The following CSMD3 variants were observed in gnomAD, a reference collection of about 807,000 sequenced individuals.
CSMD3 encodes the protein CUB and Sushi multiple domains 3.
CSMD3 carries 177 observed loss-of-function variants against 435.2 expected under a neutral mutation model. The ratio of observed to expected loss-of-function variants is 0.41; its 90% CI spans 0.36 to 0.46. The LOEUF (loss-of-function observed/expected upper bound fraction) is 0.46, where lower values mean the gene tolerates loss of function less well. Ranked by LOEUF, CSMD3 falls within the 20% of genes least tolerant of loss-of-function variation. The pLI, the probability that CSMD3 is intolerant of heterozygous loss-of-function variation, is 0.34. For missense variants in CSMD3, 4,265 were observed against 4,504.6 expected (o/e 0.95, Z 1.52); for synonymous variants, 1,656 against 1,520.5 (o/e 1.09, Z -2.07).
At chr8:112,783,424 GGGAAGGAAGGAAGGAAGGAA>G (rs1256764715) in intron 13 of CSMD3, among the ~76,000 whole-genome samples, 1 of 56,868 alleles carries the variant, frequency 1.8e-5, no homozygotes, top group Non-Finnish European at 3.7e-5. Flanking sequence ...GAGGGAGGGA[GGGAAGGAAGGAAGGAAGGAA>G]GGAAGGAAGG....
At chr8:113,286,365 A>G (rs2093646835) in intron 2 of CSMD3, among the ~76,000 whole-genome samples, 2 of 152,304 alleles carry the variant, frequency 1.3e-5, no homozygotes, top group South Asian at 4.1e-4. Context: ...TAATATGAAA[A>G]GTACTAAAGT....
intron 1 of CSMD3, among the ~76,000 whole-genome samples, chr8:113,346,214 T>A (rs1327950629): frequency 6.6e-6 from 1 of 152,042 alleles, no homozygotes; most frequent in African/African-American, 2.4e-5. Flanking sequence ...ACTGGGATTT[T>A]TCTTTTTTAC....
intron 1 of CSMD3, among the ~76,000 whole-genome samples, chr8:113,409,198 T>G (rs2094547147): frequency 6.8e-6 from 1 of 147,728 alleles, no homozygotes. Flanking sequence ...TTCTCTTGCC[T>G]CAGCTTCCTG....
intron 38 of CSMD3, among the ~76,000 whole-genome samples, chr8:112,371,909 A>C (rs573587103): frequency 1.3e-5 from 2 of 152,102 alleles, no homozygotes; most frequent in South Asian, 2.1e-4. Flanking sequence ...CCAAAAAAAC[A>C]AAAAACAAAA....
intron 1 of CSMD3, among the ~76,000 whole-genome samples, chr8:113,423,443 T>G (rs897753423): frequency 8.6e-5 from 13 of 152,014 alleles, no homozygotes; most frequent in African/African-American, 3.1e-4. Context: ...TGTTATGATA[T>G]TGCTGTTATA....
chr8:113,414,191 G>A (rs2094571565), intron 1 of CSMD3, among the ~76,000 whole-genome samples: 1 of 152,190 alleles, frequency 6.6e-6, no homozygotes, highest in Non-Finnish European at 1.5e-5. Flanking sequence ...TATGTAAAAT[G>A]TGGTGTGGCT....
chr8:112,721,302 T>A (rs374938972), intron 13 of CSMD3, among the ~76,000 whole-genome samples: 2 of 152,078 alleles, frequency 1.3e-5, no homozygotes, highest in Admixed American at 1.3e-4. Flanking sequence ...TGGCCGGGCA[T>A]GGTGGCTCAT....
chr8:112,525,782 G>T (rs1824846019), intron 27 of CSMD3, among the ~76,000 whole-genome samples: 1 of 135,318 alleles, frequency 7.4e-6, no homozygotes, highest in South Asian at 2.3e-4. Context: ...TTATATGTGT[G>T]TGTATATATA....
At chr8:112,493,490 T>G (rs1820906813) in intron 30 of CSMD3, among the ~76,000 whole-genome samples, 1 of 152,128 alleles carries the variant, frequency 6.6e-6, no homozygotes, top group South Asian at 2.1e-4. Context: ...ACCATTTTTC[T>G]TACCCTATTT....
At chr8:112,319,755 CCTT>C (rs1197354165) in intron 46 of CSMD3, 143 bp downstream of exon 46, 1 of 687,376 alleles carries the variant, frequency 1.5e-6, no homozygotes, top group East Asian at 2.6e-5. Flanking sequence ...ACTCCTTCTC[CCTT>C]CTTAAAAATT....
At chr8:112,722,829 T>A (rs1291814527) in intron 13 of CSMD3, among the ~76,000 whole-genome samples, 1 of 152,160 alleles carries the variant, frequency 6.6e-6, no homozygotes, top group African/African-American at 2.4e-5. Context: ...ATGAAACATA[T>A]GATGTGTCAC....
intron 28 of CSMD3, among the ~76,000 whole-genome samples, chr8:112,510,343 T>C (rs1194466331): frequency 6.6e-6 from 1 of 152,242 alleles, no homozygotes; most frequent in East Asian, 1.9e-4. Context: ...CCATACAGTC[T>C]TTCCAGTTTC....
At chr8:113,378,287 C>T (rs979161219) in intron 1 of CSMD3, among the ~76,000 whole-genome samples, 34 of 152,122 alleles carry the variant, frequency 2.2e-4, no homozygotes, top group African/African-American at 8.0e-4. Context: ...TCAAAAAATA[C>T]GTATCCAATG....
intron 4 of CSMD3, among the ~76,000 whole-genome samples, chr8:113,169,049 C>T (rs1360803310): frequency 6.6e-6 from 1 of 152,082 alleles, no homozygotes; most frequent in Admixed American, 6.6e-5. Flanking sequence ...TCTTTCTTCT[C>T]CAACTATTGT....
At chr8:112,936,854 A>G (rs555398035) in intron 9 of CSMD3, among the ~76,000 whole-genome samples, 1 of 152,278 alleles carries the variant, frequency 6.6e-6, no homozygotes, top group Admixed American at 6.5e-5. Flanking sequence ...ATACGTCAAT[A>G]TATTTCTAAA....
chr8:112,429,633 G>A (rs1280786395), intron 32 of CSMD3, among the ~76,000 whole-genome samples: 1 of 151,886 alleles, frequency 6.6e-6, no homozygotes, highest in African/African-American at 2.4e-5. Flanking sequence ...CCTCCTACCT[G>A]GATTTCAATT....
intron 6 of CSMD3, among the ~76,000 whole-genome samples, chr8:113,011,890 A>G (rs1268264087): frequency 6.6e-6 from 1 of 151,820 alleles, no homozygotes; most frequent in Non-Finnish European, 1.5e-5. Flanking sequence ...TAGACATTGT[A>G]CTAAAAAGAA....
intron 3 of CSMD3, among the ~76,000 whole-genome samples, chr8:113,190,406 C>A (rs1049048900): frequency 6.6e-6 from 1 of 151,542 alleles, no homozygotes; most frequent in South Asian, 2.1e-4. Flanking sequence ...TTTCAGGAAA[C>A]GAGAACTGCA....
At chr8:112,871,458 G>T (rs1253912174) in intron 10 of CSMD3, among the ~76,000 whole-genome samples, 1 of 151,956 alleles carries the variant, frequency 6.6e-6, no homozygotes, top group Non-Finnish European at 1.5e-5. Flanking sequence ...TGTAAAAAAC[G>T]GTTAAAACTT....
Sources: gnomAD v4.1 joint callset for allele counts (sites outside exome capture counted in the v4.1 genomes callset) on GRCh38, gnomAD v4.1.1 for gene constraint, MANE v1.5 for transcripts, NCBI Gene and HGNC (gene_info 2026-07-23, HGNC 2026-07-21) for gene names.